LDB3: variants seen among roughly 807,000 people sequenced by gnomAD.
The protein encoded by LDB3 is LIM domain binding 3.
Under a neutral mutation model 69.0 loss-of-function variants are expected in LDB3, and 49 were observed. The observed-to-expected ratio is 0.71, with a 90% CI of 0.56 to 0.90. The LOEUF (loss-of-function observed/expected upper bound fraction) is 0.90, where lower values mean the gene tolerates loss of function less well. LDB3 is among the 40% of genes least tolerant of loss of function. The pLI is 0.00. For missense variants in LDB3, 928 were observed against 974.1 expected, an observed-to-expected ratio of 0.95 and a Z score of 0.63; for synonymous variants, 387 against 396.2, an observed-to-expected ratio of 0.98 and a Z score of 0.28.
At chr10:86,722,941 G>C (rs1294455758) in intron 12 of LDB3, among the ~76,000 whole-genome samples, 1 of 151,994 alleles carries the variant, frequency 6.6e-6, no homozygotes, top group African/African-American at 2.4e-5. Context: ...TAGGTTGTTT[G>C]AACCATTTAA....
chr10:86,685,798 G>GCACA, intron 5 of LDB3: 3 of 1,347,210 alleles, frequency 2.2e-6, no homozygotes, highest in Non-Finnish European at 3.2e-6. Flanking sequence ...GCTGGCATGT[G>GCACA]TACATGTATG....
At chr10:86,715,722 C>T (rs376280522) in intron 9 of LDB3, among the ~76,000 whole-genome samples, 1 of 151,986 alleles carries the variant, frequency 6.6e-6, no homozygotes, top group East Asian at 1.9e-4. Context: ...CCTTCAAGAT[C>T]CCCCACCCTA....
upstream of LDB3, among the ~76,000 whole-genome samples, chr10:86,667,548 GC>G (rs1449832894): frequency 1.3e-5 from 2 of 152,168 alleles, no homozygotes; most frequent in Non-Finnish European, 2.9e-5. Context: ...CCCCCTCCCT[GC>G]CCCTCCTGGC....
chr10:86,678,685 C>CTGGA (rs1229603595), intron 2 of LDB3, among the ~76,000 whole-genome samples: 90 of 152,252 alleles, frequency 5.9e-4, no homozygotes, highest in African/African-American at 2.1e-3. Context: ...GTCACCCACG[C>CTGGA]TGGAGTTCAG....
chr10:86,701,018 C>A (rs1465747695), intron 7 of LDB3, among the ~76,000 whole-genome samples: 6 of 152,224 alleles, frequency 3.9e-5, no homozygotes. Context: ...CCTCCAGGAA[C>A]CTTCGCAATC....
rs755986114 is a variant in LDB3, at chr10:86,709,971, C to A, written c.1152C>A (p.Tyr384Ter). 1.2e-6 allele frequency: 2 copies of A among 1,613,088 alleles called. No homozygotes were observed. Among genetic ancestry groups the A allele is most frequent in the Non-Finnish European group, 1.7e-6 (2 of 1,179,968 alleles). Residue 384 changes from tyrosine (Y) to a stop codon, truncating the protein, a stop_gained, in exon 9 of 14, where the codon TAC becomes TAA. Coordinates refer to ENST00000361373, the MANE Select transcript of LDB3 (RefSeq NM_007078.3). LOFTEE classifies it high-confidence loss of function. Reference protein sequence around the residue: ...ASSAPATHTSYSEGPAAPAPK... With the variant: ...ASSAPATHTS The stretch of plus-strand genomic sequence containing the variant: ...CAGCACCTGCCACCCACACCAGCTA[C>A]AGTGAGGGCCCCGCCGCCCCTGCAC...
chr10:86,693,239 G>T (rs991595193), intron 7 of LDB3, among the ~76,000 whole-genome samples: 6 of 152,172 alleles, frequency 3.9e-5, no homozygotes, highest in Non-Finnish European at 8.8e-5. Flanking sequence ...GGCATGGGGG[G>T]GGGCATGCCA....
At chr10:86,710,259 G>C in intron 9 of LDB3, 10 of 985,342 alleles carry the variant, frequency 1.0e-5, no homozygotes, top group Non-Finnish European at 1.1e-5. Context: ...GCAAGAAAGC[G>C]GTGGATGATT....
At chr10:86,689,634 A>C (rs1292026354) in intron 5 of LDB3, among the ~76,000 whole-genome samples, 1 of 152,078 alleles carries the variant, frequency 6.6e-6, no homozygotes, top group Non-Finnish European at 1.5e-5. Context: ...ATTAGAATGC[A>C]CACTGGGCCA....
intron 2 of LDB3, among the ~76,000 whole-genome samples, chr10:86,677,124 G>A (rs975693189): frequency 3.3e-5 from 5 of 152,360 alleles, no homozygotes; most frequent in African/African-American, 1.2e-4. Flanking sequence ...ACAGCTTGTA[G>A]GGGGTGGGGT....
intron 10 of LDB3, among the ~76,000 whole-genome samples, chr10:86,717,152 G>T (rs933268639): frequency 4.6e-5 from 7 of 152,178 alleles, no homozygotes; most frequent in Non-Finnish European, 1.0e-4. Context: ...TTGTTTCTGG[G>T]TCTTTCCACA....
rs1846868174 is a variant in LDB3, at chr10:86,716,332, G to A, written c.1237G>A (p.Ala413Thr). 1 of 1,611,478 alleles carries A rather than the reference G, an allele frequency of 6.2e-7. No homozygotes were observed. The change falls in exon 10 of 14, where the codon GCA (alanine) becomes ACA (threonine). Residue 413 changes from alanine to threonine, a missense_variant. Physicochemically the swap from Ala to Thr is moderately conservative, Grantham distance 58. Coordinates refer to ENST00000361373, the MANE Select transcript of LDB3 (RefSeq NM_007078.3). Reference sequence around the variant, plus strand: ...GTTTTTTTTGGCTTTTGCAGTGCCTGCATCTACCTACAGCCCGTCCCCAGG... The same window carrying A: ...GTTTTTTTTGGCTTTTGCAGTGCCTACATCTACCTACAGCCCGTCCCCAGG... ...IRPSVYQPVP[A>T]STYSPSPGAN...
At position 86,719,794 on chromosome 10, in the gene LDB3, G is replaced by T. The variant is rs1847011358; in HGVS notation, c.1978+947G>T. ...AAAATGCTATATGTTATCTTAAAAT[G>T]CTAAGTAAATTATTGTAAATTCAAG... On this transcript the variant is annotated intron_variant, in intron 12 of 13. Coordinates refer to ENST00000361373, the MANE Select transcript of LDB3 (RefSeq NM_007078.3). 1.3e-5 allele frequency among the ~76,000 whole-genome samples: 2 copies of T among 152,180 alleles called. 1 individual carries two copies. The highest frequency in any genetic ancestry group is 4.1e-4 in the South Asian group (2 of 4,828).
chr10:86,684,620 G>A (rs1052534227), intron 5 of LDB3, among the ~76,000 whole-genome samples: 20 of 152,222 alleles, frequency 1.3e-4, no homozygotes, highest in South Asian at 4.1e-4. Context: ...GGCAGAGCAG[G>A]GCCACTGTGC....
intron 13 of LDB3, among the ~76,000 whole-genome samples, chr10:86,732,106 A>C (rs1847489408): frequency 6.6e-6 from 1 of 151,032 alleles, no homozygotes; most frequent in African/African-American, 2.4e-5. Context: ...TGGCCTTCCA[A>C]AGTGTAGGGA....
At position 86,699,254 on chromosome 10, in the gene LDB3, TC is replaced by T. The variant is rs1846149344; in HGVS notation, c.896+6684del. 2 of 1,605,806 alleles carry T rather than the reference TC, an allele frequency of 1.2e-6. No individual in the cohort carries two copies. Among genetic ancestry groups the T allele is most frequent in the Non-Finnish European group, 8.5e-7 (1 of 1,175,934 alleles). Reference sequence around the variant, plus strand: ...CTGTCTCTGTTTCTCTCTCTCTCTCTCTCTCTCTCTCTCTGTGCCACAGGGA... The same window carrying T: ...CTGTCTCTGTTTCTCTCTCTCTCTCTTCTCTCTCTCTCTGTGCCACAGGGA... On this transcript the variant is annotated intron_variant, in intron 7 of 13. Transcript: ENST00000361373. The surrounding 1 kb of genome is among the most constrained non-coding windows in gnomAD (Gnocchi z 4.9).
intron 2 of LDB3, among the ~76,000 whole-genome samples, chr10:86,672,878 A>C (rs533474447): frequency 2.6e-5 from 4 of 152,346 alleles, no homozygotes; most frequent in African/African-American, 9.6e-5. Context: ...CCGGGCCTAC[A>C]GATATTGTGG....
intron 13 of LDB3, among the ~76,000 whole-genome samples, chr10:86,730,000 T>G (rs1847398721): frequency 6.6e-6 from 1 of 152,172 alleles, no homozygotes. Flanking sequence ...CTTTAAATTG[T>G]CACCAGCAGC....
rs121908338 is a variant in LDB3, at chr10:86,687,073, G to C, written c.690-4823G>C. ...ACTCCCGCACCCCTCCCCCAGCGCC[G>C]ACTACCAGGAACGCTTCAACCCCAG... On this transcript the variant is annotated intron_variant, in intron 5 of 13. Coordinates refer to ENST00000361373, the MANE Select transcript of LDB3 (RefSeq NM_007078.3). 1.2e-6 allele frequency: 2 copies of C among 1,613,672 alleles called. No individual in the cohort carries two copies. Among genetic ancestry groups the C allele is most frequent in the African/African-American group, 2.7e-5 (2 of 74,856 alleles).
Sources: allele counts gnomAD v4.1 joint callset (sites outside exome capture counted in the v4.1 genomes callset), GRCh38; gene constraint gnomAD v4.1.1; non-coding constraint Gnocchi (gnomAD v3.1); transcripts MANE v1.5; gene names NCBI Gene and HGNC (gene_info 2026-07-23, HGNC 2026-07-21).